RBL2: variants seen among roughly 807,000 people sequenced by gnomAD.
The protein encoded by RBL2 is retinoblastoma-like protein 2.
In RBL2, 56 loss-of-function variants were observed where a neutral mutation model predicts 126.0. The observed-to-expected ratio is 0.44, with a 90% CI of 0.36 to 0.56. The LOEUF is 0.56. RBL2 is among the 20% of genes least tolerant of loss of function. RBL2 has a pLI of 0.00. For synonymous variants in RBL2, 454 were observed against 478.5 expected, an observed-to-expected ratio of 0.95 and a Z score of 0.67; for missense variants, 1,229 against 1,398.2, an observed-to-expected ratio of 0.88 and a Z score of 1.93.
intron 7 of RBL2, chr16:53,454,330 G>C (rs1446538329): frequency 2.5e-6 from 1 of 399,614 alleles, no homozygotes. Flanking sequence ...TCAGCCTCCT[G>C]AGTAGCTGTG....
chr16:53,484,467 TAA>T (rs1961082053), intron 21 of RBL2, among the ~76,000 whole-genome samples: 1 of 152,156 alleles, frequency 6.6e-6, no homozygotes, highest in Non-Finnish European at 1.5e-5. Flanking sequence ...ACTTTAAATA[TAA>T]AAATGTATAT....
At position 53,467,040 on chromosome 16, in the gene RBL2, G is replaced by T. The variant is rs996067046; in HGVS notation, c.1864-18G>T. ...GCTTTTTTGGATACTGGCATTCTGT[G>T]TAACCAATTCTTCATAGGTCATGCC... On this transcript the variant is annotated intron_variant, in intron 13 of 21. Transcript: ENST00000262133. 6.3e-7 allele frequency: 1 copy of T among 1,586,528 alleles called. No individual in the cohort carries two copies. The highest frequency in any genetic ancestry group is 8.6e-7 in the Non-Finnish European group (1 of 1,158,018).
At chr16:53,445,150 A>G (rs1229574261) in intron 3 of RBL2, among the ~76,000 whole-genome samples, 1 of 151,992 alleles carries the variant, frequency 6.6e-6, no homozygotes, top group Non-Finnish European at 1.5e-5. Context: ...AGTATGGCGA[A>G]ACTTCATCTC....
intron 2 of RBL2, among the ~76,000 whole-genome samples, chr16:53,440,953 CTTTTTTTTTTTTT>C (rs1178378934): frequency 1.3e-4 from 9 of 71,672 alleles, no homozygotes; most frequent in African/African-American, 2.9e-4. Flanking sequence ...TTTTTCAGTT[CTTTTTTTTTTTTT>C]TTTTTTTTTT....
At chr16:53,467,257 T>C in intron 14 of RBL2, 88 bp downstream of exon 14, 2 of 1,056,274 alleles carry the variant, frequency 1.9e-6, no homozygotes, top group Non-Finnish European at 2.8e-6. Flanking sequence ...GTTAATAGGG[T>C]ATACATAGAA....
At chr16:53,480,490 T>C (rs1218605052) in intron 19 of RBL2, 77 bp from the exon 20 acceptor site, 3 of 1,272,548 alleles carry the variant, frequency 2.4e-6, no homozygotes, top group Non-Finnish European at 3.3e-6. Context: ...GCTGTTCCCT[T>C]TCTCCTACTT....
intron 1 of RBL2, among the ~76,000 whole-genome samples, chr16:53,435,208 CT>C (rs1312202505): frequency 2.0e-5 from 3 of 152,172 alleles, no homozygotes; most frequent in Non-Finnish European, 4.4e-5. Flanking sequence ...GCACCTGGGT[CT>C]CCAGGCGTCT....
chr16:53,469,058 C>T (rs1243969588), intron 14 of RBL2, among the ~76,000 whole-genome samples: 1 of 152,144 alleles, frequency 6.6e-6, no homozygotes, highest in Non-Finnish European at 1.5e-5. Context: ...GGTGAGACCT[C>T]ATCTCTACTA....
In RBL2 at chr16:53,491,257, G is replaced by A. The variant is rs531562037; in HGVS notation, c.*957G>A. On this transcript the variant is annotated 3_prime_UTR_variant, in exon 22 of 22. Coordinates refer to ENST00000262133, the MANE Select transcript of RBL2 (RefSeq NM_005611.4). The stretch of plus-strand genomic sequence containing the variant: ...GTTATCTAAAAGAAATGTCTATTAA[G>A]GTGATATATTTAAAAATATTTTTGG... 1 of 152,104 alleles carries A rather than the reference G, an allele frequency of 6.6e-6. No individual in the cohort carries two copies. Among genetic ancestry groups the A allele is most frequent in the South Asian group, 2.1e-4 (1 of 4,820 alleles). 9.4% of individuals were successfully genotyped at this position (152,104 alleles called of 1,614,324 possible). A position where few individuals can be genotyped will look rare whatever the true frequency, so the allele number is the denominator to read the frequency against.
intron 17 of RBL2, among the ~76,000 whole-genome samples, chr16:53,474,287 G>A (rs1019089001): frequency 2.0e-5 from 3 of 146,730 alleles, no homozygotes; most frequent in Non-Finnish European, 3.0e-5. Flanking sequence ...CACTGCACCC[G>A]GCTGCTGTAA....
rs780736832 is a variant in RBL2 at position 53,462,673 on chromosome 16, T to C, written c.1560+18T>C. The stretch of plus-strand genomic sequence containing the variant: ...ATTTATCTGTGAGTAAAATAACCAA[T>C]GTATTGATCAGCGCAATGAAACATA... On this transcript the variant is annotated intron_variant, in intron 11 of 21. Transcript: ENST00000262133. 3 of 1,436,600 alleles carry C rather than the reference T, an allele frequency of 2.1e-6. No homozygotes were observed. The highest frequency in any genetic ancestry group is 4.7e-5 in the East Asian group (2 of 42,212). 89.0% of individuals were successfully genotyped at this position (1,436,600 alleles called of 1,614,324 possible).
chr16:53,475,996 T>G (rs1247441815), intron 17 of RBL2, among the ~76,000 whole-genome samples: 2 of 151,756 alleles, frequency 1.3e-5, no homozygotes, highest in Non-Finnish European at 2.9e-5. Flanking sequence ...CATGCCCTGC[T>G]AATTTTTTGT....
chr16:53,435,819 T>C lies in RBL2; in HGVS notation c.240+1023T>C, dbSNP rs1465768058. ...TATTTTTAATTTGTATTTGCATTAA[T>C]AGAATTTTAATTCAATTACTAGTTC... On this transcript the variant is annotated intron_variant, in intron 1 of 21. Coordinates refer to ENST00000262133, the MANE Select transcript of RBL2 (RefSeq NM_005611.4). 2.6e-6 allele frequency: 3 copies of C among 1,170,684 alleles called. No individual in the cohort carries two copies. The East Asian group carries it at 1.7e-4, about 67-fold the overall frequency. 72.5% of individuals were successfully genotyped at this position (1,170,684 alleles called of 1,614,324 possible). A position where few individuals can be genotyped will look rare whatever the true frequency, so the allele number is the denominator to read the frequency against.
chr16:53,435,747 A>G (rs1236272020), intron 1 of RBL2: 1 of 1,286,200 alleles, frequency 7.8e-7, no homozygotes. Context: ...TAACCAAGGT[A>G]TTATTTAAAT....
intron 17 of RBL2, among the ~76,000 whole-genome samples, chr16:53,471,335 G>C (rs960280347): frequency 1.3e-5 from 2 of 152,104 alleles, no homozygotes; most frequent in African/African-American, 4.8e-5. Context: ...GTTTTCCAAA[G>C]TACTGTACCA....
rs1346668878 is a variant in RBL2, at chr16:53,470,456, G to T, written c.2319G>T (p.Val773=). Residue 773 remains valine, a synonymous_variant, in exon 16 of 22, where the codon GTG becomes GTT. Transcript: ENST00000262133. ...QVNVGGQAQA[V]TGSIQPLSAQ... is the part of the protein sequence containing the mutation. ...ATGTTGGGGGGCAGGCACAAGCTGT[G>T]ACAGGCTCCATCCAGCCCCTCAGTG... is the stretch of plus-strand genomic sequence containing the variant. The T allele has an allele frequency of 4.3e-6, 7 of 1,614,152 alleles. No individual in the cohort carries two copies. In the South Asian group the frequency reaches 6.6e-5, roughly 15 times the overall value.
intron 8 of RBL2, among the ~76,000 whole-genome samples, chr16:53,457,257 G>GTTTTTTTTTTTTTTT (rs1555566417): frequency 2.4e-4 from 17 of 70,572 alleles, no homozygotes; most frequent in South Asian, 8.6e-4. Context: ...GGTACAGATA[G>GTTTTTTTTTTTTTTT]CTTTTTTTTT....
chr16:53,451,895 T>A, intron 5 of RBL2, 64 bp downstream of exon 5: 1 of 1,555,642 alleles, frequency 6.4e-7, no homozygotes, highest in South Asian at 1.1e-5. Flanking sequence ...ACCCTTGGAG[T>A]TGTACAGGTT....
At chr16:53,483,091 G>C (rs994199429) in intron 21 of RBL2, among the ~76,000 whole-genome samples, 6 of 152,100 alleles carry the variant, frequency 3.9e-5, no homozygotes, top group African/African-American at 1.4e-4. Flanking sequence ...AGACTGTGCT[G>C]AAAGTATTCA....
Sources: gnomAD v4.1 joint callset for allele counts (sites outside exome capture counted in the v4.1 genomes callset) on GRCh38, gnomAD v4.1.1 for gene constraint, MANE v1.5 for transcripts, NCBI Gene and HGNC (gene_info 2026-07-23, HGNC 2026-07-21) for gene names.